SLC6A18: variants seen among roughly 807,000 people sequenced by gnomAD.
SLC6A18 encodes solute carrier family 6 member 18, also known as inactive sodium-dependent neutral amino acid transporter B(0)AT3.
In SLC6A18, 58 loss-of-function variants were observed where a neutral mutation model predicts 62.9. That is an observed-to-expected ratio of 0.92 (90% CI 0.75 to 1.15). The LOEUF is 1.15. Ranked by LOEUF, SLC6A18 falls within the 50% of genes most tolerant of loss-of-function variation. SLC6A18 has a pLI of 0.00. For synonymous variants in SLC6A18, 382 were observed against 365.8 expected, an observed-to-expected ratio of 1.04 and a Z score of -0.51; for missense variants, 793 against 836.6, an observed-to-expected ratio of 0.95 and a Z score of 0.64.
chr5:1,244,140 G>A (rs1190083685), intron 9 of SLC6A18, 74 bp from the exon 10 acceptor site: 2 of 1,331,186 alleles, frequency 1.5e-6, no homozygotes, highest in Non-Finnish European at 2.1e-6. Context: ...CTGCCTGGCT[G>A]GCTTCCTCCT....
rs752690220 is a variant in SLC6A18, at chr5:1,232,269, A to G, written c.211A>G (p.Ile71Val). The G allele has an allele frequency of 3.7e-6, 6 of 1,612,582 alleles. No homozygotes were observed. The East Asian group carries it at 1.1e-4, about 30-fold the overall frequency. Residue 71 changes from isoleucine to valine, a missense_variant, in exon 2 of 12, where the codon ATT (isoleucine) becomes GTT (valine). Ile to Val is a conservative substitution (Grantham distance 29, BLOSUM62 3). Transcript: ENST00000324642. ...CGCGCTGGTCTTCGAGGGGATCCCC[A>G]TTTTCCACGTCGAGCTCGCCATCGG... The part of the protein sequence containing the change: ...VIALVFEGIP[I>V]FHVELAIGQR...
rs370903284 is a variant in SLC6A18, at chr5:1,235,637, T to A, written c.596T>A (p.Ile199Asn). 5.0e-6 allele frequency: 8 copies of A among 1,613,928 alleles called. No homozygotes were observed. The South Asian group carries it at 8.8e-5, about 18-fold the overall frequency. Residue 199 changes from isoleucine (I) to asparagine (N), a missense_variant, in exon 4 of 12, where the codon ATC (isoleucine) becomes AAC (asparagine). By Grantham distance (149) the Ile-to-Asn change is moderately radical. Transcript: ENST00000324642. ...ASWAVVYMCV[I>N]RGIETTGKVI... ...TGGGCAGTCGTGTACATGTGTGTCA[T>A]CAGGGGCATTGAGACTACAGGGAAG... is the stretch of plus-strand genomic sequence containing the variant.
chr5:1,226,508 G>A (rs1178544929), intron 1 of SLC6A18, among the ~76,000 whole-genome samples: 6 of 152,192 alleles, frequency 3.9e-5, no homozygotes, highest in African/African-American at 1.4e-4. Flanking sequence ...TGAGAGCCCC[G>A]CACAACTATC....
chr5:1,242,823 T>TC lies in SLC6A18; in HGVS notation c.1096dup (p.Leu366ProfsTer12). 6.2e-7 allele frequency: 1 copy of TC among 1,613,162 alleles called. No individual in the cohort carries two copies. The highest frequency in any genetic ancestry group is 8.5e-7 in the Non-Finnish European group (1 of 1,179,538). On this transcript the variant is annotated frameshift_variant, in exon 8 of 12. Transcript: ENST00000324642. LOFTEE classifies it high-confidence loss of function. ...ACCTGGCCCAAGAGGGTGGCCCAGC[T>TC]CCCCCTGAAGGCCTGCCTCCTGGAA...
At position 1,238,562 on chromosome 5, in the gene SLC6A18, T is replaced by A. The variant is rs192978818; in HGVS notation, c.732+502T>A. ...AAAGAGGTCAGGTTTGGAGTGAGCTTGGGGCCTCAGGAAAGAGGTCAGGTT... is the reference window on the plus strand; with the variant it reads ...AAAGAGGTCAGGTTTGGAGTGAGCTAGGGGCCTCAGGAAAGAGGTCAGGTT... On this transcript the variant is annotated intron_variant, in intron 5 of 11. Coordinates refer to ENST00000324642, the MANE Select transcript of SLC6A18 (RefSeq NM_182632.3). Among the ~76,000 whole-genome samples the A allele has an allele frequency of 9.0e-4, 27 of 30,042 alleles. 2 individuals carry two copies. The highest frequency in any genetic ancestry group is 4.8e-3 in the Admixed American group (18 of 3,760). 19.7% of individuals were successfully genotyped at this position (30,042 alleles called of 152,430 possible).
Position 1,225,638 on chromosome 5 carries a change from G to T in SLC6A18, c.160+1G>T, listed in dbSNP as rs760777208. On this transcript the variant is annotated splice_donor_variant, in intron 1 of 11. Transcript: ENST00000324642. LOFTEE classifies it high-confidence loss of function. ...TACCTGTGCCAGACCTATGGAGGAGGTAAGCACCCACCTGCGTCCTGGGGC... is the reference window on the plus strand; with the variant it reads ...TACCTGTGCCAGACCTATGGAGGAGTTAAGCACCCACCTGCGTCCTGGGGC... 6.4e-7 allele frequency: 1 copy of T among 1,569,102 alleles called. No individual in the cohort carries two copies. The highest frequency in any genetic ancestry group is 2.3e-5 in the East Asian group (1 of 43,370).
In SLC6A18 at chr5:1,243,718, T is replaced by TG. The variant is rs746113206; in HGVS notation, c.1300dup (p.Val434GlyfsTer4). The TG allele has an allele frequency of 1.5e-5, 25 of 1,613,308 alleles. 1 individual carries two copies. The highest frequency in any genetic ancestry group is 3.3e-5 in the Admixed American group (2 of 59,970). ...GCGGTCATCACACCCCTGCTGGACG[T>TG]GGGGGTCCTGCCTAGATGGGTCCCC... On this transcript the variant is annotated frameshift_variant, in exon 9 of 12. Transcript: ENST00000324642. LOFTEE classifies it high-confidence loss of function. The surrounding 1 kb of genome is among the most constrained non-coding windows in gnomAD (Gnocchi z 6.5).
intron 4 of SLC6A18, among the ~76,000 whole-genome samples, chr5:1,236,245 G>T (rs887303224): frequency 1.1e-4 from 17 of 152,042 alleles, no homozygotes; most frequent in African/African-American, 3.9e-4. Context: ...TGCTTTAGAG[G>T]TTACAGTCTA....
chr5:1,240,754 G>A (rs1747035426), intron 7 of SLC6A18, 95 bp downstream of exon 7: 1 of 1,543,896 alleles, frequency 6.5e-7, no homozygotes, highest in Non-Finnish European at 8.8e-7. Flanking sequence ...AGGGTGGCGT[G>A]GGCACATTTC....
At chr5:1,240,782 G>T (rs1376709766) in intron 7 of SLC6A18, 123 bp downstream of exon 7, 6 of 1,355,452 alleles carry the variant, frequency 4.4e-6, no homozygotes, top group Non-Finnish European at 6.0e-6. Context: ...TAGGGGTGTG[G>T]AGTGAATGGT....
chr5:1,232,437 G>C (rs1040214203), intron 2 of SLC6A18, 78 bp downstream of exon 2: 3 of 1,529,374 alleles, frequency 2.0e-6, no homozygotes, highest in African/African-American at 1.4e-5. Context: ...GGGCGGGGGC[G>C]GGTCCATGCC....
intron 3 of SLC6A18, among the ~76,000 whole-genome samples, chr5:1,234,019 G>C (rs1364096576): frequency 6.6e-6 from 1 of 152,154 alleles, no homozygotes; most frequent in African/African-American, 2.4e-5. Flanking sequence ...GGGATTACAG[G>C]CGTGAGCCAC....
intron 10 of SLC6A18, 49 bp from the exon 11 acceptor site, chr5:1,244,559 G>C: frequency 6.4e-7 from 1 of 1,560,046 alleles, no homozygotes. Flanking sequence ...CTTGGAGTGG[G>C]TGGACCTTCC....
rs952511614 is a variant in SLC6A18, at chr5:1,245,699, C to T, written c.1657-149C>T. 7 of 859,456 alleles carry T rather than the reference C, an allele frequency of 8.1e-6. No individual in the cohort carries two copies. The South Asian group carries it at 1.1e-4, about 14-fold the overall frequency. The allele number at this position is 859,456 out of a possible 1,614,324, so 53.2% of individuals were successfully genotyped here. On this transcript the variant is annotated intron_variant, in intron 11 of 11. Coordinates refer to ENST00000324642, the MANE Select transcript of SLC6A18 (RefSeq NM_182632.3). Reference sequence around the variant, plus strand: ...GGAGGGGCGGTGGTGAGCGGCCACACGGCCTGGCCACTGCTCTGGCCGTGC... The same window carrying T: ...GGAGGGGCGGTGGTGAGCGGCCACATGGCCTGGCCACTGCTCTGGCCGTGC...
intron 7 of SLC6A18, 23 bp downstream of exon 7, chr5:1,240,682 GCT>G: frequency 6.2e-7 from 1 of 1,611,822 alleles, no homozygotes; most frequent in African/African-American, 1.3e-5. Context: ...GCCGCGCCTG[GCT>G]CTGTGGGGCA....
At chr5:1,242,646 G>A in intron 7 of SLC6A18, 61 bp from the exon 8 acceptor site, 1 of 1,545,170 alleles carries the variant, frequency 6.5e-7, no homozygotes, top group Non-Finnish European at 8.8e-7. Flanking sequence ...CCAACCAAGG[G>A]TTTCTCTGGA....
At chr5:1,234,601 C>T (rs980256380) in intron 3 of SLC6A18, among the ~76,000 whole-genome samples, 5 of 152,258 alleles carry the variant, frequency 3.3e-5, no homozygotes, top group Admixed American at 6.5e-5. Flanking sequence ...TCAATGCACA[C>T]GGCAGGGCCC....
Position 1,227,043 on chromosome 5 carries a change from GCCTTGCCCGCCGACA to G in SLC6A18, c.160+1421_160+1435del, listed in dbSNP as rs1238044163. Among the ~76,000 whole-genome samples the G allele has an allele frequency of 4.4e-3, 602 of 135,654 alleles. 8 individuals carry two copies. The highest frequency in any genetic ancestry group is 0.018 in the African/African-American group (559 of 30,412). The allele number at this position is 135,654 out of a possible 152,430, so 89.0% of individuals were successfully genotyped here. A position where few individuals can be genotyped will look rare whatever the true frequency, so the allele number is the denominator to read the frequency against. ...CGCGCCCAACGCCTTGCCCGCCGAC[GCCTTGCCCGCCGACA>G]CCTTGCCCGCCGACCCCTTGCCCGC... On this transcript the variant is annotated intron_variant, in intron 1 of 11. Transcript: ENST00000324642.
intron 1 of SLC6A18, among the ~76,000 whole-genome samples, chr5:1,229,713 C>T (rs1249422325): frequency 7.9e-5 from 12 of 152,242 alleles, no homozygotes; most frequent in Non-Finnish European, 1.8e-4. Context: ...GCTGGTCACA[C>T]ACCAGCCTTG....
Sources: allele counts gnomAD v4.1 joint callset (sites outside exome capture counted in the v4.1 genomes callset), GRCh38; gene constraint gnomAD v4.1.1; non-coding constraint Gnocchi (gnomAD v3.1); transcripts MANE v1.5; gene names NCBI Gene and HGNC (gene_info 2026-07-23, HGNC 2026-07-21).